Variants in ATP10A observed in about 807,000 individuals in gnomAD.
The protein encoded by ATP10A is phospholipid-transporting ATPase VA.
A neutral mutation model predicts 147.8 loss-of-function variants in ATP10A; 111 were observed. The observed-to-expected ratio is 0.75, with a 90% CI of 0.64 to 0.88. The LOEUF (loss-of-function observed/expected upper bound fraction) is 0.88, where lower values mean the gene tolerates loss of function less well. Among genes scored for constraint, ATP10A ranks in the 40% least tolerant of loss-of-function variants. The probability of loss-of-function intolerance (pLI) is 0.00; values close to 1 mark genes in which losing one functional copy is unlikely to be tolerated. For missense variants in ATP10A, 1,927 were observed against 1,959.0 expected, an observed-to-expected ratio of 0.98 and a Z score of 0.31; for synonymous variants, 875 against 841.6, an observed-to-expected ratio of 1.04 and a Z score of -0.69.
At chr15:25,696,950 G>T (rs1333196732) in intron 13 of ATP10A, among the ~76,000 whole-genome samples, 1 of 152,202 alleles carries the variant, frequency 6.6e-6, no homozygotes, top group African/African-American at 2.4e-5. Flanking sequence ...GTGGTGCTCT[G>T]TCTTCTATTC....
chr15:25,714,118 T>C lies in ATP10A; in HGVS notation c.1900A>G (p.Ser634Gly), dbSNP rs1303731915. ...GGGAAGCTGGAGCCCAACTTGTGGC[T>C]GGACTTGTTGGCGGCCAGGCTCCCG... ...SIGSLAANKS[S>G]HKLGSSFPST... is the part of the protein sequence containing the mutation. Residue 634 changes from serine (S) to glycine (G), a missense_variant, in exon 10 of 21, where the codon AGC (serine) becomes GGC (glycine). Physicochemically the swap from Ser to Gly is moderately conservative, Grantham distance 56. Transcript: ENST00000555815. The C allele has an allele frequency of 3.7e-6, 6 of 1,613,114 alleles. No homozygotes were observed. The highest frequency in any genetic ancestry group is 5.1e-6 in the Non-Finnish European group (6 of 1,180,032).
rs527249010 is a variant in ATP10A, at chr15:25,732,886, T to C, written c.740+3170A>G. Among the ~76,000 whole-genome samples, 3 of 152,182 alleles carry C rather than the reference T, an allele frequency of 2.0e-5. No individual in the cohort carries two copies. The South Asian group carries it at 6.2e-4, about 32-fold the overall frequency. On this transcript the variant is annotated intron_variant, in intron 3 of 20. Transcript: ENST00000555815. ...CCTTCTAATTCATGTTGTACTTCAC[T>C]TTCATTCCTTCACTGGACTCTCATG...
At chr15:25,779,520 C>T (rs1432859566) in intron 2 of ATP10A, among the ~76,000 whole-genome samples, 1 of 150,086 alleles carries the variant, frequency 6.7e-6, no homozygotes, top group Non-Finnish European at 1.5e-5. Flanking sequence ...AGGGGAGAAG[C>T]TGAGAGTGAG....
intron 2 of ATP10A, 81 bp downstream of exon 2, chr15:25,780,938 T>G: frequency 7.0e-7 from 1 of 1,435,604 alleles, no homozygotes; most frequent in South Asian, 1.3e-5. Flanking sequence ...AAAATGCAGG[T>G]GCTCTGAGCC....
intron 1 of ATP10A, among the ~76,000 whole-genome samples, chr15:25,785,523 C>T (rs1052386352): frequency 3.9e-5 from 6 of 152,180 alleles, no homozygotes; most frequent in African/African-American, 7.2e-5. Context: ...CGTCCATTCT[C>T]GTGACTCTGG....
At chr15:25,689,414 C>T (rs1016645117) in intron 15 of ATP10A, among the ~76,000 whole-genome samples, 1 of 152,186 alleles carries the variant, frequency 6.6e-6, no homozygotes, top group Non-Finnish European at 1.5e-5. Context: ...CTCTTGCCCC[C>T]TGCCTGGGGC....
At chr15:25,724,948 C>T (rs1017675170) in intron 5 of ATP10A, among the ~76,000 whole-genome samples, 5 of 152,296 alleles carry the variant, frequency 3.3e-5, no homozygotes, top group South Asian at 2.1e-4. Context: ...ACATTTACAT[C>T]GTATTAGGCA....
chr15:25,748,352 C>A (rs1887959219), intron 2 of ATP10A, among the ~76,000 whole-genome samples: 1 of 152,030 alleles, frequency 6.6e-6, no homozygotes. Context: ...ATTGGTATGG[C>A]ATTAGAAAAA....
intron 10 of ATP10A, 151 bp downstream of exon 10, chr15:25,713,523 G>T: frequency 1.2e-6 from 1 of 856,538 alleles, no homozygotes; most frequent in Non-Finnish European, 1.8e-6. Context: ...GGCAAACACT[G>T]ATCTGAAGAA....
intron 1 of ATP10A, among the ~76,000 whole-genome samples, chr15:25,828,695 C>A (rs1417152675): frequency 6.6e-6 from 1 of 152,154 alleles, no homozygotes; most frequent in Non-Finnish European, 1.5e-5. Flanking sequence ...ATTGCTTTAT[C>A]CAGTCATAAG....
At chr15:25,789,657 C>A (rs752436725) in intron 1 of ATP10A, among the ~76,000 whole-genome samples, 1 of 151,832 alleles carries the variant, frequency 6.6e-6, no homozygotes, top group Non-Finnish European at 1.5e-5. Context: ...CTAAAATTAT[C>A]GCAGATTTCA....
chr15:25,784,182 G>A (rs570460248), intron 1 of ATP10A, among the ~76,000 whole-genome samples: 1 of 152,328 alleles, frequency 6.6e-6, no homozygotes, highest in Admixed American at 6.5e-5. Flanking sequence ...TGTCCCTTTG[G>A]AAGAAAGTTT....
intron 1 of ATP10A, among the ~76,000 whole-genome samples, chr15:25,822,031 T>C (rs1175247469): frequency 1.3e-5 from 2 of 152,196 alleles, no homozygotes; most frequent in Non-Finnish European, 2.9e-5. Context: ...AATGGCATAG[T>C]GTTTGCATAT....
chr15:25,822,067 T>C (rs1409792270), intron 1 of ATP10A, among the ~76,000 whole-genome samples: 1 of 152,178 alleles, frequency 6.6e-6, no homozygotes, highest in Non-Finnish European at 1.5e-5. Context: ...TCCCACAGAC[T>C]TTCAATCATC....
chr15:25,715,750 A>G (rs1184256515), intron 9 of ATP10A, among the ~76,000 whole-genome samples: 2 of 152,232 alleles, frequency 1.3e-5, no homozygotes, highest in Non-Finnish European at 2.9e-5. Context: ...CTGCTGCAGC[A>G]GAGAAAATAC....
chr15:25,848,802 A>C (rs1349441503), intron 1 of ATP10A: 1 of 153,522 alleles, frequency 6.5e-6, no homozygotes, highest in Non-Finnish European at 1.5e-5. Context: ...TAGCCACCTT[A>C]ACTGCAGCCA....
At chr15:25,781,297 G>A in intron 1 of ATP10A, 74 bp from the exon 2 acceptor site, 17 of 1,222,096 alleles carry the variant, frequency 1.4e-5, no homozygotes, top group Admixed American at 2.1e-5. Flanking sequence ...GGGCACGTGG[G>A]GCTCATATGG....
At position 25,708,034 on chromosome 15, in the gene ATP10A, G is replaced by C. The variant is rs1306870564; in HGVS notation, c.2517C>G (p.Asn839Lys). The C allele has an allele frequency of 1.9e-6, 3 of 1,614,054 alleles. No individual in the cohort carries two copies. The highest frequency in any genetic ancestry group is 1.7e-5 in the Admixed American group (1 of 60,010). ...SHLEAESSLE[N>K]SEELLFQSAI... ...CAGACTGGAAGAGGAGCTCCTCGCT[G>C]TTTTCCAGGGAGGATTCGGCTTCTA... The change falls in exon 12 of 21, where the codon AAC (asparagine) becomes AAG (lysine). Residue 839 changes from asparagine (N) to lysine (K), a missense_variant. Physicochemically the swap from Asn to Lys is moderately conservative, Grantham distance 94 (BLOSUM62 0). Transcript: ENST00000555815.
At chr15:25,748,685 G>A (rs1887976141) in intron 2 of ATP10A, among the ~76,000 whole-genome samples, 1 of 151,938 alleles carries the variant, frequency 6.6e-6, no homozygotes, top group South Asian at 2.1e-4. Context: ...TAAAAAGGTA[G>A]AAATAATGCT....
Sources: allele counts gnomAD v4.1 joint callset (sites outside exome capture counted in the v4.1 genomes callset), GRCh38; gene constraint gnomAD v4.1.1; transcripts MANE v1.5; gene names NCBI Gene and HGNC (gene_info 2026-07-23, HGNC 2026-07-21).